FNDC1: variants seen among roughly 807,000 people sequenced by gnomAD.
FNDC1 encodes the protein fibronectin type III domain-containing protein 1.
A neutral mutation model predicts 168.0 loss-of-function variants in FNDC1; 96 were observed. That is an observed-to-expected ratio of 0.57 (90% CI 0.48 to 0.68). The LOEUF (loss-of-function observed/expected upper bound fraction) is 0.68. Among genes scored for constraint, FNDC1 ranks in the 30% least tolerant of loss-of-function variants. The pLI, the probability that FNDC1 is intolerant of heterozygous loss-of-function variation, is 0.00. For missense variants in FNDC1, 2,587 were observed against 2,482.1 expected, an observed-to-expected ratio of 1.04 and a Z score of -0.90; for synonymous variants, 1,099 against 1,025.9, an observed-to-expected ratio of 1.07 and a Z score of -1.36.
Position 159,169,762 on chromosome 6 carries a change from C to T in FNDC1, c.109+57C>T. 1.4e-6 allele frequency: 1 copy of T among 693,248 alleles called. No homozygotes were observed. Among genetic ancestry groups the T allele is most frequent in the African/African-American group, 1.9e-5 (1 of 52,448 alleles). The allele number at this position is 693,248 out of a possible 1,614,324, so 42.9% of individuals were successfully genotyped here. ...TCAGCTCCCCGCGCACCCTCCTGCG[C>T]TCGGGCCCCGTCGTCCCGCTCAGTG... On this transcript the variant is annotated intron_variant, in intron 1 of 22. Coordinates refer to ENST00000297267, the MANE Select transcript of FNDC1 (RefSeq NM_032532.3). The surrounding 1 kb of genome is among the most constrained non-coding windows in gnomAD (Gnocchi z 6.8).
intron 9 of FNDC1, among the ~76,000 whole-genome samples, chr6:159,226,884 T>C (rs1167689456): frequency 6.6e-6 from 1 of 152,220 alleles, no homozygotes; most frequent in East Asian, 1.9e-4. Context: ...GCTTCCATGC[T>C]ATGGGTCTTT....
At chr6:159,268,796 GTATC>G (rs1164899394) in intron 22 of FNDC1, among the ~76,000 whole-genome samples, 1 of 150,666 alleles carries the variant, frequency 6.6e-6, no homozygotes, top group Non-Finnish European at 1.5e-5. Context: ...ATGTATGTGT[GTATC>G]TATCTATTCA....
At chr6:159,247,520 G>A (rs1777161705) in intron 15 of FNDC1, among the ~76,000 whole-genome samples, 2 of 152,126 alleles carry the variant, frequency 1.3e-5, no homozygotes, top group African/African-American at 4.8e-5. Flanking sequence ...AGGTCAAGGA[G>A]GGAGGATAAC....
At chr6:159,193,316 C>T (rs939421813) in intron 1 of FNDC1, among the ~76,000 whole-genome samples, 3 of 152,146 alleles carry the variant, frequency 2.0e-5, no homozygotes, top group Non-Finnish European at 4.4e-5. Flanking sequence ...TGAATTGTGC[C>T]TTTAGATGGA....
Position 159,197,468 on chromosome 6 carries a change from G to A in FNDC1, c.147G>A (p.Leu49=). The stretch of plus-strand genomic sequence containing the variant: ...TGAAGCCAAGGCATGTGAAACTGCT[G>A]TCCACTAAAATGGGCCTGAAAGTCA... ...HPLKPRHVKL[L]STKMGLKVTW... The change falls in exon 2 of 23, where the codon CTG becomes CTA. Residue 49 remains leucine, a synonymous_variant. Coordinates refer to ENST00000297267, the MANE Select transcript of FNDC1 (RefSeq NM_032532.3). 1 of 1,613,698 alleles carries A rather than the reference G, an allele frequency of 6.2e-7. No homozygotes were observed. The highest frequency in any genetic ancestry group is 8.5e-7 in the Non-Finnish European group (1 of 1,179,760).
Position 159,228,789 on chromosome 6 carries a change from C to T in FNDC1, c.1181-1026C>T, listed in dbSNP as rs549913467. Among the ~76,000 whole-genome samples, 7 of 152,244 alleles carry T rather than the reference C, an allele frequency of 4.6e-5. No individual in the cohort carries two copies. In the East Asian group the frequency reaches 1.3e-3, roughly 29 times the overall value. On this transcript the variant is annotated intron_variant, in intron 9 of 22. Coordinates refer to ENST00000297267, the MANE Select transcript of FNDC1 (RefSeq NM_032532.3). ...CTCCAGGGTCCAAGTGATTCTCCTG[C>T]CTCAGCCTCTCGAGTAGCTGGGACC... is the stretch of plus-strand genomic sequence containing the variant.
At position 159,264,995 on chromosome 6, in the gene FNDC1, A is replaced by T. The variant is rs200990874; in HGVS notation, c.5275A>T (p.Arg1759Trp). The T allele has an allele frequency of 2.8e-4, 445 of 1,605,938 alleles. 4 individuals carry two copies. The highest frequency in any genetic ancestry group is 1.4e-5 in the Non-Finnish European group (17 of 1,175,402). ...TACAGATAATCCTCTGCTTGTTGTG[A>T]GGCCCCCAGGTAAGTTTATGTTCTT... ...TESDNPLLVV[R>W]PPGGEPIWIP... Residue 1759 changes from arginine (R) to tryptophan (W), a missense_variant, in exon 20 of 23, where the codon AGG (arginine) becomes TGG (tryptophan). Physicochemically the swap from Arg to Trp is moderately radical, Grantham distance 101. Coordinates refer to ENST00000297267, the MANE Select transcript of FNDC1 (RefSeq NM_032532.3).
intron 9 of FNDC1, among the ~76,000 whole-genome samples, chr6:159,228,594 A>T (rs1235815284): frequency 6.6e-6 from 1 of 152,152 alleles, no homozygotes; most frequent in South Asian, 2.1e-4. Flanking sequence ...CTAAGGGAAA[A>T]GAAAAGATCA....
rs961026418 is a variant in FNDC1, at chr6:159,234,306, G to A, written c.3794G>A (p.Ser1265Asn). The change falls in exon 11 of 23, where the codon AGC (serine) becomes AAC (asparagine). Residue 1265 changes from serine (S) to asparagine (N), a missense_variant. Ser to Asn is a conservative substitution (Grantham distance 46). Transcript: ENST00000297267. ...SHVPSRLPPRSAATVSPVAGT... is the reference protein window; with the variant it reads ...SHVPSRLPPRNAATVSPVAGT... ...GTCCCTTCCCGACTGCCGCCTCGCA[G>A]CGCTGCCACCGTGAGCCCCGTCGCG... 6.2e-7 allele frequency: 1 copy of A among 1,607,324 alleles called. No individual in the cohort carries two copies. The highest frequency in any genetic ancestry group is 1.3e-5 in the African/African-American group (1 of 74,710).
intron 7 of FNDC1, 38 bp downstream of exon 7, chr6:159,223,683 ATGGGGTTTTTC>A: frequency 7.6e-7 from 1 of 1,323,176 alleles, no homozygotes; most frequent in Non-Finnish European, 1.1e-6. Context: ...TATATGAGAG[ATGGGGTTTTTC>A]TGGCCCTGAA....
At chr6:159,192,421 C>T (rs1782160543) in intron 1 of FNDC1, among the ~76,000 whole-genome samples, 1 of 152,168 alleles carries the variant, frequency 6.6e-6, no homozygotes, top group Non-Finnish European at 1.5e-5. Flanking sequence ...ACCATTGGTT[C>T]ACTTTATTCA....
At chr6:159,247,079 G>A in intron 15 of FNDC1, 110 bp downstream of exon 15, 1 of 861,138 alleles carries the variant, frequency 1.2e-6, no homozygotes, top group Non-Finnish European at 1.9e-6. Context: ...TAGAGCTTTG[G>A]GCCGGTGGCA....
chr6:159,271,139 C>T (rs951380788), intron 22 of FNDC1, among the ~76,000 whole-genome samples, 188 bp from the exon 23 acceptor site: 6 of 152,154 alleles, frequency 3.9e-5, no homozygotes, highest in African/African-American at 7.2e-5. Context: ...GGGCTGGGCC[C>T]GAGGTCCTGG....
chr6:159,253,972 T>G (rs1347724217), intron 17 of FNDC1, among the ~76,000 whole-genome samples: 2 of 152,220 alleles, frequency 1.3e-5, no homozygotes, highest in Non-Finnish European at 2.9e-5. Flanking sequence ...TTGACTGCAC[T>G]GTGCCAGACG....
intron 2 of FNDC1, among the ~76,000 whole-genome samples, chr6:159,198,779 A>G (rs1782308368): frequency 6.6e-6 from 1 of 152,374 alleles, no homozygotes; most frequent in Admixed American, 6.5e-5. Flanking sequence ...ACACATGTGG[A>G]TTAAATTTCT....
intron 19 of FNDC1, among the ~76,000 whole-genome samples, chr6:159,261,629 C>T: frequency 6.6e-6 from 1 of 152,198 alleles, no homozygotes; most frequent in Non-Finnish European, 1.5e-5. Flanking sequence ...ATGTGGCTGA[C>T]AGGAAGTTGC....
At chr6:159,186,081 C>T (rs182842799) in intron 1 of FNDC1, among the ~76,000 whole-genome samples, 1 of 152,198 alleles carries the variant, frequency 6.6e-6, no homozygotes, top group East Asian at 1.9e-4. Flanking sequence ...ACAGTCAGTT[C>T]CTATTGGCTT....
At chr6:159,251,973 G>T (rs1192349756) in intron 17 of FNDC1, among the ~76,000 whole-genome samples, 1 of 152,162 alleles carries the variant, frequency 6.6e-6, no homozygotes, top group Non-Finnish European at 1.5e-5. Flanking sequence ...CCTTTTTGGA[G>T]TCAGCCCTGG....
At position 159,251,424 on chromosome 6, in the gene FNDC1, C is replaced by T. The variant is rs368546880; in HGVS notation, c.4957C>T (p.Leu1653=). 16 of 1,613,812 alleles carry T rather than the reference C, an allele frequency of 9.9e-6. No homozygotes were observed. Among genetic ancestry groups the T allele is most frequent in the South Asian group, 9.9e-5 (9 of 91,048 alleles). The change falls in exon 17 of 23, where the codon CTG becomes TTG. Residue 1653 remains leucine (L), a synonymous_variant. Transcript: ENST00000297267. ...IIPNDLKKSD[L]PPQHAPRNIT... is the part of the protein sequence containing the mutation. The stretch of plus-strand genomic sequence containing the variant: ...CCCCAATGACCTGAAGAAGAGTGAC[C>T]TGCCTCCCCAGCATGCTCCCCGCAA...
Sources: allele counts gnomAD v4.1 joint callset (sites outside exome capture counted in the v4.1 genomes callset), GRCh38; gene constraint gnomAD v4.1.1; non-coding constraint Gnocchi (gnomAD v3.1); transcripts MANE v1.5; gene names NCBI Gene and HGNC (gene_info 2026-07-23, HGNC 2026-07-21).